The following ACBD6 variants were observed in gnomAD, a reference collection of about 807,000 sequenced individuals.
ACBD6 encodes acyl-CoA-binding domain-containing protein 6.
ACBD6 carries 28 observed loss-of-function variants against 37.2 expected under a neutral mutation model. The ratio of observed to expected loss-of-function variants is 0.75; its 90% confidence interval spans 0.56 to 1.03. ACBD6 has a LOEUF of 1.03. ACBD6 is among the 50% of genes least tolerant of loss of function. The pLI is 0.00. For synonymous variants in ACBD6, 113 were observed against 126.8 expected (o/e 0.89, Z 0.73); for missense variants, 340 against 337.4 (o/e 1.01, Z -0.06).
At chr1:180,287,545 A>G (rs1290602128), downstream of ACBD6, 6 of 150,270 alleles carry the variant, frequency 4.0e-5, no homozygotes, top group African/African-American at 1.5e-4. Context: ...CATATTAGAT[A>G]GACCCAAAGA....
At chr1:180,476,481 C>T (rs10914005) in intron 3 of ACBD6, among the ~76,000 whole-genome samples, 83,614 of 152,046 alleles carry the variant, frequency 0.55, 23,819 homozygotes, top group South Asian at 0.67. Context: ...TTCTTTTCCT[C>T]AACTGACAAG....
intron 5 of ACBD6, among the ~76,000 whole-genome samples, chr1:180,399,112 C>T (rs1221217975): frequency 6.6e-6 from 1 of 152,012 alleles, no homozygotes; most frequent in East Asian, 1.9e-4. Context: ...CTTTTATTTA[C>T]CTGTAAATAT....
chr1:180,443,624 T>C (rs1164499667), intron 3 of ACBD6, among the ~76,000 whole-genome samples: 1 of 152,098 alleles, frequency 6.6e-6, no homozygotes, highest in Non-Finnish European at 1.5e-5. Flanking sequence ...TTGTTTTGTT[T>C]TGTTTTTAGA....
chr1:180,320,438 G>A (rs1651023757), intron 6 of ACBD6, among the ~76,000 whole-genome samples: 1 of 151,980 alleles, frequency 6.6e-6, no homozygotes, highest in Admixed American at 6.6e-5. Flanking sequence ...GAGTTCAAGA[G>A]CAGCCTGGCC....
chr1:180,338,598 C>G (rs1278110873), intron 6 of ACBD6, among the ~76,000 whole-genome samples: 1 of 152,102 alleles, frequency 6.6e-6, no homozygotes, highest in Non-Finnish European at 1.5e-5. Context: ...TAGGCAATAC[C>G]ATTCAGGACA....
Position 180,502,541 on chromosome 1 carries a change from TCAGGCCCCTCCAACGGAA to T in ACBD6, c.-293_-276del, listed in dbSNP as rs1247880135. On this transcript the variant is annotated 5_prime_UTR_variant, in exon 1 of 8. Transcript: ENST00000367595. ...GGCCAACAGCGCGCTCAGGCTCGCC[TCAGGCCCCTCCAACGGAA>T]CAGGAGTCGAGGGGCAGTGAGGCCG... The T allele has an allele frequency of 2.0e-5, 10 of 493,012 alleles. No individual in the cohort carries two copies. The highest frequency in any genetic ancestry group is 2.0e-4 in the Admixed American group (6 of 30,380). 30.5% of individuals were successfully genotyped at this position (493,012 alleles called of 1,614,324 possible).
chr1:180,481,942 C>T (rs755669474), intron 3 of ACBD6, among the ~76,000 whole-genome samples: 1 of 151,954 alleles, frequency 6.6e-6, no homozygotes, highest in African/African-American at 2.4e-5. Flanking sequence ...CTATCAAGTT[C>T]GATAGTCAGG....
At chr1:180,337,967 A>C (rs970720690) in intron 6 of ACBD6, among the ~76,000 whole-genome samples, 4 of 152,238 alleles carry the variant, frequency 2.6e-5, no homozygotes, top group Non-Finnish European at 5.9e-5. Context: ...CTCTTCAAGG[A>C]GAACTACAAA....
chr1:180,486,949 C>T (rs567680268), intron 3 of ACBD6, among the ~76,000 whole-genome samples: 5 of 151,932 alleles, frequency 3.3e-5, no homozygotes, highest in African/African-American at 9.7e-5. Flanking sequence ...AAACACCAGG[C>T]AAACCCAAAA....
At chr1:180,475,529 G>A (rs1465323746) in intron 3 of ACBD6, among the ~76,000 whole-genome samples, 1 of 152,084 alleles carries the variant, frequency 6.6e-6, no homozygotes, top group African/African-American at 2.4e-5. Flanking sequence ...TGGGACCACA[G>A]GTGTAAACCA....
chr1:180,322,906 C>T (rs1651127529), intron 6 of ACBD6, among the ~76,000 whole-genome samples: 1 of 151,092 alleles, frequency 6.6e-6, no homozygotes. Context: ...TTTTCTTCTA[C>T]TAATTTTGGG....
chr1:180,413,334 G>C lies in ACBD6; in HGVS notation c.573+32C>G, dbSNP rs1267298525. The C allele has an allele frequency of 1.9e-6, 3 of 1,555,550 alleles. No homozygotes were observed. The African/African-American group carries it at 4.1e-5, about 21-fold the overall frequency. On this transcript the variant is annotated intron_variant, in intron 5 of 7. Coordinates refer to ENST00000367595, the MANE Select transcript of ACBD6 (RefSeq NM_032360.4). ...CACTGGGGCAGAACAACCATGCATA[G>C]GAAAATAATTAACAGGGCATGTTTT...
At chr1:180,288,618 G>T in intron 7 of ACBD6, 101 bp from the exon 8 acceptor site, 1 of 1,341,988 alleles carries the variant, frequency 7.5e-7, no homozygotes, top group Non-Finnish European at 1.0e-6. Flanking sequence ...AAGGAATACT[G>T]AACAATGAGC....
intron 3 of ACBD6, among the ~76,000 whole-genome samples, chr1:180,481,321 T>C (rs1397649553): frequency 6.6e-6 from 1 of 151,660 alleles, no homozygotes; most frequent in African/African-American, 2.4e-5. Flanking sequence ...GGCTAAAAAA[T>C]AAATTTAGAA....
intron 3 of ACBD6, among the ~76,000 whole-genome samples, chr1:180,446,957 C>A (rs1557874668): frequency 1.3e-5 from 2 of 152,082 alleles, no homozygotes; most frequent in African/African-American, 4.8e-5. Context: ...AGGAGTATTG[C>A]TTGAACCCGG....
At chr1:180,481,025 G>A (rs1315962026) in intron 3 of ACBD6, among the ~76,000 whole-genome samples, 1 of 148,144 alleles carries the variant, frequency 6.8e-6, no homozygotes, top group African/African-American at 2.5e-5. Flanking sequence ...GTGAGACTCC[G>A]TCTCAAAAAA....
At chr1:180,323,488 A>G (rs2149296068) in intron 6 of ACBD6, among the ~76,000 whole-genome samples, 1 of 152,206 alleles carries the variant, frequency 6.6e-6, no homozygotes, top group Non-Finnish European at 1.5e-5. Flanking sequence ...TCCAATGCTG[A>G]CAGTGGTATG....
chr1:180,272,024 G>A, intron 13 of ACBD6: 1 of 1,606,802 alleles, frequency 6.2e-7, no homozygotes, highest in South Asian at 1.1e-5. Context: ...GGGCTGGAGG[G>A]GCCAGGCCGA....
At chr1:180,329,766 T>C (rs1262538751) in intron 6 of ACBD6, among the ~76,000 whole-genome samples, 3 of 152,216 alleles carry the variant, frequency 2.0e-5, no homozygotes, top group Non-Finnish European at 2.9e-5. Context: ...GGTGGTGATC[T>C]GTAGCCCGTG....
Sources: allele counts gnomAD v4.1 joint callset (sites outside exome capture counted in the v4.1 genomes callset), GRCh38; gene constraint gnomAD v4.1.1; transcripts MANE v1.5; gene names NCBI Gene and HGNC (gene_info 2026-07-23, HGNC 2026-07-21).